ZNF804B: variants seen among roughly 807,000 people sequenced by gnomAD.
The protein encoded by ZNF804B is zinc finger 804B.
In ZNF804B, 80 loss-of-function variants were observed where a neutral mutation model predicts 101.4. The ratio of observed to expected loss-of-function variants is 0.79; its 90% CI spans 0.66 to 0.95. The LOEUF is 0.95. ZNF804B is among the 40% of genes least tolerant of loss of function. The pLI is 0.00. For synonymous variants in ZNF804B, 622 were observed against 558.8 expected, an observed-to-expected ratio of 1.11 and a Z score of -1.59; for missense variants, 1,673 against 1,561.9, an observed-to-expected ratio of 1.07 and a Z score of -1.20.
At chr7:89,206,792 A>G (rs553536200) in intron 1 of ZNF804B, among the ~76,000 whole-genome samples, 5 of 152,236 alleles carry the variant, frequency 3.3e-5, no homozygotes, top group African/African-American at 9.6e-5. Context: ...ACAAAAATGA[A>G]TACTTTTAAC....
At chr7:88,840,672 T>A (rs1353679738) in intron 1 of ZNF804B, among the ~76,000 whole-genome samples, 4 of 152,022 alleles carry the variant, frequency 2.6e-5, no homozygotes, top group African/African-American at 7.3e-5. Flanking sequence ...TGAACTGAGA[T>A]GAGATTGAAT....
At chr7:89,219,875 GTATATGTGTGTATATATGTA>G (rs1788955765) in intron 2 of ZNF804B, among the ~76,000 whole-genome samples, 1 of 99,038 alleles carries the variant, frequency 1.0e-5, no homozygotes, top group African/African-American at 3.6e-5. Flanking sequence ...TGTATATGTA[GTATATGTGTGTATATATGTA>G]TATATGTGTG....
chr7:88,845,909 A>T lies in ZNF804B; in HGVS notation c.108+85825A>T, dbSNP rs184861526. Among the ~76,000 whole-genome samples the T allele has an allele frequency of 7.2e-5, 11 of 152,348 alleles. No homozygotes were observed. In the East Asian group the frequency reaches 2.1e-3, roughly 29 times the overall value. ...TAAATATTTGTTTAATGGATAAAAAATATTGTAAGCCTTCTGTAAAACTGG... is the reference window on the plus strand; with the variant it reads ...TAAATATTTGTTTAATGGATAAAAATTATTGTAAGCCTTCTGTAAAACTGG... On this transcript the variant is annotated intron_variant, in intron 1 of 3. Transcript: ENST00000333190.
At chr7:88,771,186 G>GT (rs778065960) in intron 1 of ZNF804B, among the ~76,000 whole-genome samples, 6 of 151,818 alleles carry the variant, frequency 4.0e-5, no homozygotes, top group Admixed American at 2.0e-4. Flanking sequence ...TTCTCTTTTG[G>GT]TTTTTTACTC....
At chr7:89,083,717 C>T (rs2158144) in intron 1 of ZNF804B, among the ~76,000 whole-genome samples, 2 of 151,324 alleles carry the variant, frequency 1.3e-5, no homozygotes, top group East Asian at 1.9e-4. Context: ...ATATTGAGAC[C>T]GTTAAACTTT....
intron 2 of ZNF804B, among the ~76,000 whole-genome samples, chr7:89,267,136 C>T (rs116339080): frequency 6.6e-6 from 1 of 152,220 alleles, no homozygotes; most frequent in African/African-American, 2.4e-5. Flanking sequence ...CCCTCCTTTT[C>T]ATTTGTTGAT....
intron 1 of ZNF804B, among the ~76,000 whole-genome samples, chr7:88,798,668 A>G (rs770510834): frequency 9.2e-5 from 14 of 152,068 alleles, no homozygotes; most frequent in Non-Finnish European, 1.6e-4. Flanking sequence ...TCATTCATCA[A>G]TCACACTCTG....
At chr7:89,047,781 AC>A (rs1789133357) in intron 1 of ZNF804B, among the ~76,000 whole-genome samples, 1 of 152,028 alleles carries the variant, frequency 6.6e-6, no homozygotes, top group African/African-American at 2.4e-5. Context: ...GAACACCCTC[AC>A]TGCACTGTGC....
chr7:89,254,149 C>T lies in ZNF804B; in HGVS notation c.249+35854C>T, dbSNP rs115494130. ...ATTGCATTGACGGTTCTAGCTAGTG[C>T]GGTGAGATAGGATTAAAATGTTTAA... On this transcript the variant is annotated intron_variant, in intron 2 of 3. Transcript: ENST00000333190. 7.4e-3 allele frequency among the ~76,000 whole-genome samples: 1,132 copies of T among 151,986 alleles called. 12 individuals are homozygous for T. Among genetic ancestry groups the T allele is most frequent in the African/African-American group, 0.026 (1,080 of 41,476 alleles).
At chr7:88,856,295 G>C (rs2115844395) in intron 1 of ZNF804B, among the ~76,000 whole-genome samples, 1 of 152,230 alleles carries the variant, frequency 6.6e-6, no homozygotes, top group African/African-American at 2.4e-5. Context: ...GCAGTGGTTT[G>C]TAGTTCTCCT....
chr7:88,773,898 G>A (rs1320691890), intron 1 of ZNF804B, among the ~76,000 whole-genome samples: 2 of 152,214 alleles, frequency 1.3e-5, no homozygotes, highest in Non-Finnish European at 2.9e-5. Context: ...ATCCGCCCCA[G>A]TGATCTGAAC....
chr7:88,953,424 A>G (rs1793254887), intron 1 of ZNF804B, among the ~76,000 whole-genome samples: 4 of 151,718 alleles, frequency 2.6e-5, no homozygotes, highest in Admixed American at 2.6e-4. Flanking sequence ...GTTTGACCCC[A>G]TTTAAAAAAT....
At chr7:89,120,695 T>C (rs573703403) in intron 1 of ZNF804B, among the ~76,000 whole-genome samples, 1 of 151,250 alleles carries the variant, frequency 6.6e-6, no homozygotes, top group South Asian at 2.1e-4. Flanking sequence ...AAAAATCTAC[T>C]TTTAGTCGTC....
chr7:89,333,114 T>C (rs1791012352), intron 3 of ZNF804B, among the ~76,000 whole-genome samples: 1 of 152,002 alleles, frequency 6.6e-6, no homozygotes. Context: ...TTAGAAGCAG[T>C]AGCATAAGAT....
At chr7:89,261,292 G>A (rs1789709413) in intron 2 of ZNF804B, among the ~76,000 whole-genome samples, 1 of 152,048 alleles carries the variant, frequency 6.6e-6, no homozygotes, top group Non-Finnish European at 1.5e-5. Flanking sequence ...GATATTTTTA[G>A]TGGTAAATGA....
intron 1 of ZNF804B, among the ~76,000 whole-genome samples, chr7:88,829,463 A>G (rs1464777900): frequency 1.3e-5 from 2 of 152,148 alleles, no homozygotes; most frequent in African/African-American, 2.4e-5. Context: ...TTGAAGGAGC[A>G]GCTATTAAAC....
intron 1 of ZNF804B, among the ~76,000 whole-genome samples, chr7:89,166,742 T>C (rs767307109): frequency 7.2e-5 from 11 of 152,166 alleles, no homozygotes; most frequent in Non-Finnish European, 1.2e-4. Context: ...GAAAGATCAC[T>C]TTTTACTTCC....
chr7:89,015,115 A>G (rs1788526082), intron 1 of ZNF804B, among the ~76,000 whole-genome samples: 1 of 152,128 alleles, frequency 6.6e-6, no homozygotes, highest in African/African-American at 2.4e-5. Context: ...TACTTTCCTT[A>G]GTGGATATAC....
chr7:89,232,571 A>C (rs887035431), intron 2 of ZNF804B, among the ~76,000 whole-genome samples: 13 of 152,042 alleles, frequency 8.6e-5, no homozygotes, highest in African/African-American at 3.1e-4. Flanking sequence ...ATTTATTGAG[A>C]TCATTCTATT....
Sources: allele counts gnomAD v4.1 joint callset (sites outside exome capture counted in the v4.1 genomes callset), GRCh38; gene constraint gnomAD v4.1.1; transcripts MANE v1.5; gene names NCBI Gene and HGNC (gene_info 2026-07-23, HGNC 2026-07-21).